The following OSBPL9 variants were observed in gnomAD, a reference collection of about 807,000 sequenced individuals.
OSBPL9 encodes oxysterol binding protein like 9.
A neutral mutation model predicts 106.6 loss-of-function variants in OSBPL9; 40 were observed. The ratio of observed to expected loss-of-function variants is 0.38; its 90% CI spans 0.29 to 0.49. OSBPL9 has a LOEUF of 0.49. Ranked by LOEUF, OSBPL9 falls within the 20% of genes least tolerant of loss-of-function variation. OSBPL9 has a pLI of 0.97. For missense variants in OSBPL9, 609 were observed against 887.2 expected, an observed-to-expected ratio of 0.69 and a Z score of 3.98; for synonymous variants, 269 against 295.4, an observed-to-expected ratio of 0.91 and a Z score of 0.92.
intron 2 of OSBPL9, among the ~76,000 whole-genome samples, chr1:51,608,934 G>C (rs1028693205): frequency 2.0e-5 from 3 of 151,994 alleles, no homozygotes; most frequent in Admixed American, 6.6e-5. Context: ...AAACTCAGAG[G>C]GACCCTTATT....
chr1:51,531,883 A>G, the OSBPL9 span, among the ~76,000 whole-genome samples: 15,965 of 152,126 alleles, frequency 0.1, 1,845 homozygotes, highest in African/African-American at 0.29. Context: ...ATGAAGAGGA[A>G]CTAGTAAAGG....
rs180971653 is a variant in OSBPL9 at position 51,578,749 on chromosome 1, C to T, written c.-423+1493C>T. Among the ~76,000 whole-genome samples the T allele has an allele frequency of 1.1e-4, 16 of 152,308 alleles. No individual in the cohort carries two copies. The East Asian group carries it at 2.5e-3, about 24-fold the overall frequency. Reference sequence around the variant, plus strand: ...AAATGAGAATCTGACAAAGTCCTTTCAGGGACCTGTGAGCTTTAGGGAGTT... The same window carrying T: ...AAATGAGAATCTGACAAAGTCCTTTTAGGGACCTGTGAGCTTTAGGGAGTT... On this transcript the variant is annotated intron_variant, in intron 1 of 25. Coordinates refer to the OSBPL9 transcript ENST00000371714.
chr1:51,609,309 A>ATGCT (rs1447673031), intron 2 of OSBPL9, among the ~76,000 whole-genome samples: 1 of 147,426 alleles, frequency 6.8e-6, no homozygotes, highest in African/African-American at 2.5e-5. Flanking sequence ...CCTGATCTCA[A>ATGCT]TGCTTCCTAT....
At chr1:51,669,705 G>C in intron 3 of OSBPL9, 193 bp downstream of exon 3, 7 of 602,734 alleles carry the variant, frequency 1.2e-5, no homozygotes, top group Non-Finnish European at 6.2e-6. Flanking sequence ...AGATCGATTT[G>C]AAACGACTGT....
Position 51,735,991 on chromosome 1 carries a change from T to G in OSBPL9, c.319-9545T>G, listed in dbSNP as rs190645117. 8.5e-5 allele frequency among the ~76,000 whole-genome samples: 13 copies of G among 152,342 alleles called. No individual in the cohort carries two copies. In the East Asian group the frequency reaches 2.5e-3, roughly 29 times the overall value. On this transcript the variant is annotated intron_variant, in intron 4 of 23. Coordinates refer to ENST00000428468, the MANE Select transcript of OSBPL9 (RefSeq NM_024586.6). Reference sequence around the variant, plus strand: ...AAATAACTCTATGAGTTATTTATGATTTTTCCACGAATATTCTGATTTATA... The same window carrying G: ...AAATAACTCTATGAGTTATTTATGAGTTTTCCACGAATATTCTGATTTATA...
chr1:51,627,769 A>G (rs1232628334), intron 1 of OSBPL9, among the ~76,000 whole-genome samples: 1 of 151,428 alleles, frequency 6.6e-6, no homozygotes, highest in Non-Finnish European at 1.5e-5. Flanking sequence ...CTCAATATAC[A>G]TTTGTGTATT....
chr1:51,735,377 A>G (rs1665437117), intron 4 of OSBPL9, among the ~76,000 whole-genome samples: 1 of 152,176 alleles, frequency 6.6e-6, no homozygotes, highest in Non-Finnish European at 1.5e-5. Context: ...TCACTTGATT[A>G]AAGAAAAGTT....
At chr1:51,723,755 CTGAAGAATATCTTGGT>C (rs931382201) in intron 4 of OSBPL9, among the ~76,000 whole-genome samples, 1 of 152,176 alleles carries the variant, frequency 6.6e-6, no homozygotes, top group African/African-American at 2.4e-5. Context: ...CATTCACCTA[CTGAAGAATATCTTGGT>C]TGCTTCTAAG....
intron 4 of OSBPL9, among the ~76,000 whole-genome samples, chr1:51,739,632 A>G (rs1413370702): frequency 2.0e-5 from 3 of 152,038 alleles, no homozygotes; most frequent in Non-Finnish European, 2.9e-5. Flanking sequence ...GATATTTTTT[A>G]ATTGATGATC....
At chr1:51,630,312 T>C (rs1436838794) in intron 1 of OSBPL9, among the ~76,000 whole-genome samples, 1 of 152,030 alleles carries the variant, frequency 6.6e-6, no homozygotes, top group Non-Finnish European at 1.5e-5. Context: ...AAGACAAGGT[T>C]AGAGGGACCT....
the OSBPL9 span, among the ~76,000 whole-genome samples, chr1:51,547,687 T>C: frequency 2.0e-5 from 3 of 151,806 alleles, no homozygotes; most frequent in African/African-American, 4.8e-5. Flanking sequence ...CTACTAAAAA[T>C]ACAAAAATTA....
chr1:51,621,335 T>C (rs1644420358), intron 1 of OSBPL9, among the ~76,000 whole-genome samples: 1 of 151,838 alleles, frequency 6.6e-6, no homozygotes, highest in Non-Finnish European at 1.5e-5. Flanking sequence ...CTGCTAAAAA[T>C]ACAAAAATTT....
intron 2 of OSBPL9, 115 bp downstream of exon 2, chr1:51,652,156 T>C: frequency 1.4e-6 from 1 of 712,666 alleles, no homozygotes; most frequent in Non-Finnish European, 2.3e-6. Flanking sequence ...TTGGGGCAGG[T>C]ATCTAAGTCT....
chr1:51,665,075 A>G (rs1262393199), intron 2 of OSBPL9, among the ~76,000 whole-genome samples: 4 of 152,244 alleles, frequency 2.6e-5, no homozygotes, highest in Non-Finnish European at 5.9e-5. Flanking sequence ...GTTCAGTTTC[A>G]TAGTCATTAG....
intron 12 of OSBPL9, among the ~76,000 whole-genome samples, chr1:51,767,393 T>TAA (rs757038967): frequency 7.2e-6 from 1 of 138,816 alleles, no homozygotes; most frequent in African/African-American, 2.7e-5. Flanking sequence ...GACTCTGTCT[T>TAA]AAAAAAAAAA....
At chr1:51,653,712 G>A (rs964400452) in intron 2 of OSBPL9, among the ~76,000 whole-genome samples, 4 of 152,172 alleles carry the variant, frequency 2.6e-5, no homozygotes, top group Non-Finnish European at 4.4e-5. Context: ...TGAAGAATCT[G>A]GACCGGCTGG....
At chr1:51,642,854 C>G (rs1220896273) in intron 1 of OSBPL9, among the ~76,000 whole-genome samples, 3 of 152,270 alleles carry the variant, frequency 2.0e-5, no homozygotes, top group East Asian at 3.9e-4. Context: ...AACAAAAGAT[C>G]TAATCCTTAT....
chr1:51,596,673 A>G (rs1490235568), intron 1 of OSBPL9, among the ~76,000 whole-genome samples: 6 of 150,870 alleles, frequency 4.0e-5, no homozygotes, highest in Non-Finnish European at 4.4e-5. Flanking sequence ...CCAGCTATTC[A>G]GGAGGCTGAG....
At chr1:51,763,447 G>C (rs1289426581) in intron 11 of OSBPL9, among the ~76,000 whole-genome samples, 1 of 152,180 alleles carries the variant, frequency 6.6e-6, no homozygotes, top group East Asian at 1.9e-4. Context: ...CAAACTCAAG[G>C]AAGCATCTAG....
Sources: allele counts gnomAD v4.1 joint callset (sites outside exome capture counted in the v4.1 genomes callset), GRCh38; gene constraint gnomAD v4.1.1; transcripts MANE v1.5; gene names NCBI Gene and HGNC (gene_info 2026-07-23, HGNC 2026-07-21).